The following TBCK variants were observed in gnomAD, a reference collection of about 807,000 sequenced individuals.
TBCK encodes the protein TBC domain-containing protein kinase-like protein.
Under a neutral mutation model 113.4 loss-of-function variants are expected in TBCK, and 99 were observed. The ratio of observed to expected loss-of-function variants is 0.87; its 90% CI spans 0.74 to 1.03. TBCK has a LOEUF of 1.03. TBCK is among the 50% of genes least tolerant of loss of function. TBCK has a pLI of 0.00. For missense variants in TBCK, 1,045 were observed against 1,061.3 expected, an observed-to-expected ratio of 0.98 and a Z score of 0.21; for synonymous variants, 369 against 370.8, an observed-to-expected ratio of 1.00 and a Z score of 0.05.
chr4:106,265,724 T>C (rs1762937958), intron 3 of TBCK, among the ~76,000 whole-genome samples: 2 of 151,728 alleles, frequency 1.3e-5, no homozygotes, highest in Admixed American at 6.6e-5. Context: ...GGGAAAAGAG[T>C]ATTATCTTCA....
chr4:106,124,651 C>T (rs920608057), intron 23 of TBCK, among the ~76,000 whole-genome samples: 1 of 152,016 alleles, frequency 6.6e-6, no homozygotes, highest in African/African-American at 2.4e-5. Context: ...CACATATACA[C>T]CATGGAATAC....
intron 23 of TBCK, among the ~76,000 whole-genome samples, chr4:106,132,354 C>T (rs1433040938): frequency 1.3e-5 from 2 of 152,258 alleles, no homozygotes; most frequent in Non-Finnish European, 1.5e-5. Flanking sequence ...GGCCAATGTA[C>T]AGCTCAAGGC....
At chr4:106,065,047 G>A (rs897801169) in intron 25 of TBCK, among the ~76,000 whole-genome samples, 1 of 151,932 alleles carries the variant, frequency 6.6e-6, no homozygotes, top group Non-Finnish European at 1.5e-5. Context: ...TGGTTGCCAT[G>A]GGTATCAAAA....
chr4:106,235,081 T>G (rs1196452256), intron 15 of TBCK, among the ~76,000 whole-genome samples, 188 bp downstream of exon 15: 1 of 152,078 alleles, frequency 6.6e-6, no homozygotes, highest in African/African-American at 2.4e-5. Context: ...TAATAAACCC[T>G]CCATTATATT....
At position 106,140,797 on chromosome 4, in the gene TBCK, A is replaced by G. The variant is rs983582268; in HGVS notation, c.2236-24419T>C. Among the ~76,000 whole-genome samples, 8 of 139,286 alleles carry G rather than the reference A, an allele frequency of 5.7e-5. 1 individual carries two copies. Among genetic ancestry groups the G allele is most frequent in the African/African-American group, 2.0e-4 (8 of 39,588 alleles). The allele number at this position is 139,286 out of a possible 152,430, so 91.4% of individuals were successfully genotyped here. A position where few individuals can be genotyped will look rare whatever the true frequency, so the allele number is the denominator to read the frequency against. ...TCTGTAATATCTCCACCCAGTGGTG[A>G]TCAGAGACTTTAAATATACCCTTGA... On this transcript the variant is annotated intron_variant, in intron 23 of 25. Coordinates refer to ENST00000394708, the MANE Select transcript of TBCK (RefSeq NM_001163435.3).
intron 3 of TBCK, among the ~76,000 whole-genome samples, chr4:106,277,029 T>C (rs1328464406): frequency 6.6e-6 from 1 of 151,918 alleles, no homozygotes; most frequent in Non-Finnish European, 1.5e-5. Context: ...CCACTTAAAA[T>C]GACAAAAAAT....
upstream of TBCK, chr4:106,316,305 C>T: frequency 4.3e-6 from 2 of 460,484 alleles, no homozygotes; most frequent in South Asian, 6.5e-5. Context: ...TCCCCTTGCC[C>T]AAACTGGCCA....
chr4:106,117,000 TG>T (rs1743595969), intron 23 of TBCK, among the ~76,000 whole-genome samples: 1 of 152,000 alleles, frequency 6.6e-6, no homozygotes, highest in Non-Finnish European at 1.5e-5. Flanking sequence ...ACCCAGTCCA[TG>T]GAAACACTGT....
chr4:106,083,738 C>A (rs1739181074), intron 25 of TBCK, among the ~76,000 whole-genome samples: 1 of 152,156 alleles, frequency 6.6e-6, no homozygotes, highest in South Asian at 2.1e-4. Flanking sequence ...GGAGCAGGCA[C>A]CCATCTTTGC....
At chr4:106,157,461 T>C (rs2149698032) in intron 23 of TBCK, among the ~76,000 whole-genome samples, 1 of 152,194 alleles carries the variant, frequency 6.6e-6, no homozygotes, top group East Asian at 1.9e-4. Flanking sequence ...TTGAAGTTTA[T>C]TTAGAGCCCC....
intron 19 of TBCK, among the ~76,000 whole-genome samples, chr4:106,219,613 A>G (rs1207305951): frequency 1.3e-5 from 2 of 152,088 alleles, no homozygotes; most frequent in African/African-American, 2.4e-5. Flanking sequence ...TAATCTAAAC[A>G]AGATAGTGCT....
intron 25 of TBCK, among the ~76,000 whole-genome samples, chr4:106,092,932 C>A (rs1740478551): frequency 6.6e-6 from 1 of 152,208 alleles, no homozygotes. Context: ...GCTGCAAGGG[C>A]TGCCAGCATG....
rs143490276 is a variant in TBCK, at chr4:106,314,305, C to A, written c.-30+1626G>T. Among the ~76,000 whole-genome samples the A allele has an allele frequency of 2.7e-3, 403 of 152,058 alleles. 3 individuals carry two copies. The highest frequency in any genetic ancestry group is 9.5e-3 in the African/African-American group (394 of 41,474). ...AAGTTGATGTGAAAAAAGTAGTTTA[C>A]GTATATTATTTTGAATTATAAAGTA... On this transcript the variant is annotated intron_variant, in intron 1 of 25. Transcript: ENST00000394708.
At chr4:106,195,405 C>A (rs769799838) in intron 20 of TBCK, among the ~76,000 whole-genome samples, 5 of 151,600 alleles carry the variant, frequency 3.3e-5, no homozygotes, top group African/African-American at 4.9e-5. Context: ...CAGGTTTGTA[C>A]AGAATATTTC....
intron 23 of TBCK, among the ~76,000 whole-genome samples, chr4:106,143,190 A>G (rs10010622): frequency 0.064 from 9,672 of 152,254 alleles, 360 homozygotes; most frequent in Non-Finnish European, 0.082. Flanking sequence ...AAAAAACCCC[A>G]AATCTTCCTC....
At chr4:106,150,615 T>C (rs1167552875) in intron 23 of TBCK, among the ~76,000 whole-genome samples, 5 of 152,074 alleles carry the variant, frequency 3.3e-5, no homozygotes, top group Admixed American at 3.3e-4. Context: ...AAAAAATTAT[T>C]CAATACCAAC....
chr4:106,241,798 T>G (rs183945455), intron 12 of TBCK, among the ~76,000 whole-genome samples: 1 of 151,918 alleles, frequency 6.6e-6, no homozygotes, highest in African/African-American at 2.4e-5. Flanking sequence ...TATAAAAACA[T>G]TATAAAACAT....
intron 18 of TBCK, among the ~76,000 whole-genome samples, chr4:106,231,161 G>T (rs1262411975): frequency 6.6e-6 from 1 of 151,440 alleles, no homozygotes; most frequent in Non-Finnish European, 1.5e-5. Flanking sequence ...AGGGATTGGA[G>T]TTAATCGAAT....
intron 22 of TBCK, among the ~76,000 whole-genome samples, chr4:106,188,741 C>T (rs143188228): frequency 6.6e-6 from 1 of 152,220 alleles, no homozygotes; most frequent in African/African-American, 2.4e-5. Flanking sequence ...TTACAGTTCC[C>T]AATACGTACG....
Sources: allele counts gnomAD v4.1 joint callset (sites outside exome capture counted in the v4.1 genomes callset), GRCh38; gene constraint gnomAD v4.1.1; transcripts MANE v1.5; gene names NCBI Gene and HGNC (gene_info 2026-07-23, HGNC 2026-07-21).